TNFRSF18: variants seen among roughly 807,000 people sequenced by gnomAD.
The protein encoded by TNFRSF18 is tumor necrosis factor receptor superfamily member 18.
TNFRSF18 carries 36 observed loss-of-function variants against 30.2 expected under a neutral mutation model. The observed-to-expected ratio is 1.19, with a 90% CI of 0.91 to 1.58. The LOEUF is 1.58. TNFRSF18 is among the 40% of genes most tolerant of loss of function. TNFRSF18 has a pLI of 0.00. For synonymous variants in TNFRSF18, 173 were observed against 158.3 expected, an observed-to-expected ratio of 1.09 and a Z score of -0.70; for missense variants, 369 against 345.4, an observed-to-expected ratio of 1.07 and a Z score of -0.54.
Position 1,205,473 on chromosome 1 carries a change from C to T in TNFRSF18, c.207G>A (p.Glu69=). ...CAGGCTGGACACACATGCAGTCCCA[C>T]TCGGAACAGCACTCCTCGCCTGGGC... ...RDYPGEECCS[E]WDCMCVQPEF... is the part of the protein sequence containing the mutation. Residue 69 remains glutamate, a synonymous_variant, in exon 2 of 5, where the codon GAG becomes GAA. Coordinates refer to ENST00000379268, the MANE Select transcript of TNFRSF18 (RefSeq NM_004195.3). The T allele has an allele frequency of 6.2e-7, 1 of 1,612,426 alleles. No homozygotes were observed. Among genetic ancestry groups the T allele is most frequent in the Non-Finnish European group, 8.5e-7 (1 of 1,179,714 alleles).
At position 1,204,479 on chromosome 1, in the gene TNFRSF18, G is replaced by T. The variant is rs1175014718; in HGVS notation, c.318C>A (p.Phe106Leu). 1 of 1,051,446 alleles carries T rather than the reference G, an allele frequency of 9.5e-7. No homozygotes were observed. The highest frequency in any genetic ancestry group is 1.7e-5 in the African/African-American group (1 of 60,222). The allele number at this position is 1,051,446 out of a possible 1,614,324, so 65.1% of individuals were successfully genotyped here. A position where few individuals can be genotyped will look rare whatever the true frequency, so the allele number is the denominator to read the frequency against. The change falls in exon 3 of 5, where the codon TTC becomes TTA. Residue 106 changes from phenylalanine (F) to leucine (L), a missense_variant. Transcript: ENST00000379268. ...AGTCGATACACTGGAAGCCAAAACTGAATTTCCCTGGTGTGGGGTGTGGGG... is the reference window on the plus strand; with the variant it reads ...AGTCGATACACTGGAAGCCAAAACTTAATTTCCCTGGTGTGGGGTGTGGGG... The part of the protein sequence containing the change: ...PGQGVQSQGK[F>L]SFGFQCIDCA...
At chr1:1,204,884 C>T (rs1648738653) in intron 2 of TNFRSF18, among the ~76,000 whole-genome samples, 1 of 152,158 alleles carries the variant, frequency 6.6e-6, no homozygotes, top group Non-Finnish European at 1.5e-5. Context: ...CCCGTCCAAC[C>T]TGACACAACC....
Position 1,204,457 on chromosome 1 carries a change from C to T in TNFRSF18, c.340G>A (p.Asp114Asn), listed in dbSNP as rs767425028. The stretch of plus-strand genomic sequence containing the variant: ...CCGGAGAAGGTCCCCGAGGCACAGT[C>T]GATACACTGGAAGCCAAAACTGAAT... ...GKFSFGFQCI[D>N]CASGTFSGGH... The change falls in exon 3 of 5, where the codon GAC (aspartate) becomes AAC (asparagine). Residue 114 changes from aspartate to asparagine, a missense_variant. By Grantham distance (23) the Asp-to-Asn change is conservative (BLOSUM62 1). Transcript: ENST00000379268. 3.1e-6 allele frequency: 5 copies of T among 1,606,620 alleles called. No individual in the cohort carries two copies. The highest frequency in any genetic ancestry group is 1.7e-5 in the Admixed American group (1 of 59,456).
At chr1:1,205,240 C>T (rs1570455421) in intron 2 of TNFRSF18, 130 bp downstream of exon 2, 2 of 1,407,296 alleles carry the variant, frequency 1.4e-6, no homozygotes, top group African/African-American at 2.9e-5. Context: ...CCTGGCCTGC[C>T]CGGCCTCACA....
rs375536617 is a variant in TNFRSF18 at position 1,203,883 on chromosome 1, C to T, written c.687G>A (p.Ser229=). The change falls in exon 5 of 5, where the codon TCG becomes TCA. Residue 229 remains serine, a synonymous_variant. Coordinates refer to ENST00000379268, the MANE Select transcript of TNFRSF18 (RefSeq NM_004195.3). The part of the protein sequence containing the change: ...QFPEEERGER[S]AEEKGRLGDL... The stretch of plus-strand genomic sequence containing the variant: ...CTCCCAGCCGCCCCTTCTCCTCTGC[C>T]GATCGCTCGCCCCGCTCTTCCTCGG... 176 of 1,603,862 alleles carry T rather than the reference C, an allele frequency of 1.1e-4. 1 individual carries two copies. The Admixed American group carries it at 1.3e-3, about 12-fold the overall frequency.
Position 1,206,573 on chromosome 1 carries a change from C to A in TNFRSF18, c.-2G>T. On this transcript the variant is annotated 5_prime_UTR_variant, in exon 1 of 5. Coordinates refer to ENST00000379268, the MANE Select transcript of TNFRSF18 (RefSeq NM_004195.3). ...GCCCATCGCCCCGTGCTGTGCCATGCTCGGGTTTCAAGAGCCCACAGCCAG... is the reference window on the plus strand; with the variant it reads ...GCCCATCGCCCCGTGCTGTGCCATGATCGGGTTTCAAGAGCCCACAGCCAG... 5 of 1,492,130 alleles carry A rather than the reference C, an allele frequency of 3.4e-6. No homozygotes were observed. The highest frequency in any genetic ancestry group is 1.4e-5 in the African/African-American group (1 of 69,166). 92.4% of individuals were successfully genotyped at this position (1,492,130 alleles called of 1,614,324 possible). A position where few individuals can be genotyped will look rare whatever the true frequency, so the allele number is the denominator to read the frequency against.
intron 1 of TNFRSF18, chr1:1,205,774 G>A (rs937371593): frequency 4.4e-6 from 2 of 458,088 alleles, no homozygotes; most frequent in Non-Finnish European, 8.0e-6. Context: ...AGGACCCAGG[G>A]GTGGCCCCCA....
rs1403656376 is a variant in TNFRSF18 at position 1,205,485 on chromosome 1, C to T, written c.195G>A (p.Glu65=). The T allele has an allele frequency of 6.2e-7, 1 of 1,611,844 alleles. No individual in the cohort carries two copies. Among genetic ancestry groups the T allele is most frequent in the Non-Finnish European group, 8.5e-7 (1 of 1,179,350 alleles). The change falls in exon 2 of 5, where the codon GAG becomes GAA. Residue 65 remains glutamate (E), a synonymous_variant. Transcript: ENST00000379268. ...ACATGCAGTCCCACTCGGAACAGCA[C>T]TCCTCGCCTGGGCAGGAGACAGGCC... ...TRCCRDYPGE[E]CCSEWDCMCV... is the part of the protein sequence containing the mutation.
At position 1,203,778 on chromosome 1, in the gene TNFRSF18, C is replaced by A; in HGVS notation, c.*66G>T. On this transcript the variant is annotated 3_prime_UTR_variant, in exon 5 of 5. Coordinates refer to ENST00000379268, the MANE Select transcript of TNFRSF18 (RefSeq NM_004195.3). ...CCGGCCCAGAGCAGAACGCAGAGCC[C>A]CTGCGGCCTGGGGAGCTCCTGGGGA... The A allele has an allele frequency of 1.3e-6, 2 of 1,565,196 alleles. No homozygotes were observed. The highest frequency in any genetic ancestry group is 4.7e-5 in the East Asian group (2 of 42,902).
intron 3 of TNFRSF18, 22 bp downstream of exon 3, chr1:1,204,377 G>A: frequency 6.2e-7 from 1 of 1,610,166 alleles, no homozygotes; most frequent in Admixed American, 1.7e-5. Context: ...CCGGCCACCG[G>A]CAGGGCCCAC....
chr1:1,204,570 G>A, intron 2 of TNFRSF18, 84 bp from the exon 3 acceptor site: 1 of 1,040,440 alleles, frequency 9.6e-7, no homozygotes, highest in Non-Finnish European at 1.5e-6. Flanking sequence ...CCAGTGCAGG[G>A]GTCCATCTGG....
At chr1:1,204,607 C>T in intron 2 of TNFRSF18, 121 bp from the exon 3 acceptor site, 2 of 730,988 alleles carry the variant, frequency 2.7e-6, no homozygotes. Context: ...AGAATGCCCC[C>T]CCCATCATCC....
At chr1:1,204,265 A>G in intron 3 of TNFRSF18, 29 bp from the exon 4 acceptor site, 9 of 1,600,874 alleles carry the variant, frequency 5.6e-6, no homozygotes, top group Non-Finnish European at 6.8e-6. Context: ...GCCTCCTATC[A>G]GCCCCCGGAC....
At chr1:1,206,320 C>A in intron 1 of TNFRSF18, 65 bp downstream of exon 1, 1 of 1,514,916 alleles carries the variant, frequency 6.6e-7, no homozygotes, top group South Asian at 1.2e-5. Context: ...AGGGGGGCGC[C>A]CACCCATCCC....
Position 1,206,469 on chromosome 1 carries a change from C to T in TNFRSF18, c.103G>A (p.Gly35Ser), listed in dbSNP as rs757475716. 34 of 1,546,476 alleles carry T rather than the reference C, an allele frequency of 2.2e-5. No homozygotes were observed. The highest frequency in any genetic ancestry group is 9.6e-5 in the African/African-American group (7 of 72,558). ...GQRPTGGPGC[G>S]PGRLLLGTGT... ...GTCCCAAGCAGGAGGCGCCCAGGGC[C>T]GCACCCGGGACCCCCGGTGGGGCGC... is the stretch of plus-strand genomic sequence containing the variant. The change falls in exon 1 of 5, where the codon GGC becomes AGC. Residue 35 changes from glycine (G) to serine (S), a missense_variant. Physicochemically the swap from Gly to Ser is moderately conservative, Grantham distance 56. Coordinates refer to ENST00000379268, the MANE Select transcript of TNFRSF18 (RefSeq NM_004195.3).
At position 1,206,468 on chromosome 1, in the gene TNFRSF18, C is replaced by T. The variant is rs1648841521; in HGVS notation, c.104G>A (p.Gly35Asp). 1 of 1,546,674 alleles carries T rather than the reference C, an allele frequency of 6.5e-7. No individual in the cohort carries two copies. The highest frequency in any genetic ancestry group is 1.2e-5 in the South Asian group (1 of 83,922). ...GQRPTGGPGC[G>D]PGRLLLGTGT... ...CGTCCCAAGCAGGAGGCGCCCAGGG[C>T]CGCACCCGGGACCCCCGGTGGGGCG... Residue 35 changes from glycine (G) to aspartate (D), a missense_variant, in exon 1 of 5, where the codon GGC becomes GAC. Coordinates refer to ENST00000379268, the MANE Select transcript of TNFRSF18 (RefSeq NM_004195.3).
chr1:1,205,407 G>A lies in TNFRSF18; in HGVS notation c.273C>T (p.His91=). 1 of 1,612,556 alleles carries A rather than the reference G, an allele frequency of 6.2e-7. No individual in the cohort carries two copies. Among genetic ancestry groups the A allele is most frequent in the South Asian group, 1.1e-5 (1 of 91,068 alleles). Residue 91 remains histidine (H), a synonymous_variant, in exon 2 of 5, where the codon CAC becomes CAT. Transcript: ENST00000379268. ...CCCCCTGGCCTGGGGGACAAGGGTG[G>A]TGCCGGCAGGTCGTGCAGCAAGGGT... ...CGDPCCTTCR[H]HPCPPGQGVQ...
rs577113893 is a variant in TNFRSF18 at position 1,204,368 on chromosome 1, C to T, written c.398+31G>A. 8.6e-5 allele frequency: 138 copies of T among 1,608,174 alleles called. 1 individual carries two copies. In the Admixed American group the frequency reaches 1.3e-3, roughly 16 times the overall value. ...TTCCTCAGAGTGGGCCTGGACCACC[C>T]GGCCACCGGCAGGGCCCACCCAGGA... On this transcript the variant is annotated intron_variant, in intron 3 of 4. Coordinates refer to ENST00000379268, the MANE Select transcript of TNFRSF18 (RefSeq NM_004195.3).
rs376685807 is a variant in TNFRSF18 at position 1,204,501 on chromosome 1, G to T, written c.311-15C>A. The T allele has an allele frequency of 1.3e-5, 21 of 1,570,232 alleles. No individual in the cohort carries two copies. The highest frequency in any genetic ancestry group is 8.1e-5 in the African/African-American group (6 of 74,172). ...ACTGAATTTCCCTGGTGTGGGGTGT[G>T]GGGGGAGGGAGGGAGGGAGGCTGGT... On this transcript the variant is annotated splice_polypyrimidine_tract_variant and intron_variant, in intron 2 of 4. Transcript: ENST00000379268.
Sources: gnomAD v4.1 joint callset for allele counts (sites outside exome capture counted in the v4.1 genomes callset) on GRCh38, gnomAD v4.1.1 for gene constraint, MANE v1.5 for transcripts, NCBI Gene and HGNC (gene_info 2026-07-23, HGNC 2026-07-21) for gene names.